The following CBFA2T2 variants were observed in gnomAD, a reference collection of about 807,000 sequenced individuals.
The protein encoded by CBFA2T2 is CBFA2/RUNX1 partner transcriptional co-repressor 2.
CBFA2T2 carries 11 observed loss-of-function variants against 62.2 expected under a neutral mutation model. The observed-to-expected ratio is 0.18, with a 90% CI of 0.11 to 0.29. CBFA2T2 has a LOEUF of 0.29. Among genes scored for constraint, CBFA2T2 ranks in the 10% least tolerant of loss-of-function variants. The pLI, the probability that CBFA2T2 is intolerant of heterozygous loss-of-function variation, is 1.00. For synonymous variants in CBFA2T2, 295 were observed against 287.5 expected (o/e 1.03, Z -0.27); for missense variants, 592 against 774.1 (o/e 0.76, Z 2.79).
chr20:33,607,272 G>C (rs951126487), intron 2 of CBFA2T2, among the ~76,000 whole-genome samples, 173 bp downstream of exon 2: 1 of 152,156 alleles, frequency 6.6e-6, no homozygotes, highest in African/African-American at 2.4e-5. Context: ...TTTACCCTCT[G>C]AGAATAATAC....
chr20:33,579,291 C>T (rs1235016887), intron 1 of CBFA2T2, among the ~76,000 whole-genome samples: 1 of 151,554 alleles, frequency 6.6e-6, no homozygotes, highest in Non-Finnish European at 1.5e-5. Context: ...TGGTCTCAAA[C>T]TTCTGGGCTC....
chr20:33,638,102 GT>G (rs1434089103), intron 9 of CBFA2T2, among the ~76,000 whole-genome samples: 1 of 147,800 alleles, frequency 6.8e-6, no homozygotes, highest in East Asian at 2.0e-4. Context: ...AGCCTTCCAA[GT>G]ACCTGGGATT....
At chr20:33,554,255 C>CTTTTTTTTTTTTTTTTTTT (rs760696196) in intron 1 of CBFA2T2, among the ~76,000 whole-genome samples, 1 of 131,980 alleles carries the variant, frequency 7.6e-6, no homozygotes, top group African/African-American at 2.7e-5. Flanking sequence ...TTACTTTTTT[C>CTTTTTTTTTTTTTTTTTTT]TTTTTTTTTT....
At chr20:33,616,131 A>AGATAGATAGATAGATAGATG (rs1555845596) in intron 3 of CBFA2T2, among the ~76,000 whole-genome samples, 11 of 146,756 alleles carry the variant, frequency 7.5e-5, no homozygotes, top group African/African-American at 2.5e-4. Context: ...ATAGATAGAT[A>AGATAGATAGATAGATAGATG]GATGACAGAG....
intron 6 of CBFA2T2, among the ~76,000 whole-genome samples, chr20:33,628,005 A>G (rs1227204401): frequency 6.6e-6 from 1 of 152,190 alleles, no homozygotes; most frequent in Non-Finnish European, 1.5e-5. Context: ...AATTATTCGC[A>G]TTGCACCACA....
At chr20:33,554,600 C>CTTTTTTTTTTTTTTTTTTTT (rs752877501) in intron 1 of CBFA2T2, among the ~76,000 whole-genome samples, 3 of 56,288 alleles carry the variant, frequency 5.3e-5, no homozygotes, top group Non-Finnish European at 1.0e-4. Context: ...TTTTTCTTTT[C>CTTTTTTTTTTTTTTTTTTTT]TTTTTTTTTT....
chr20:33,578,081 A>G (rs1296483039), intron 1 of CBFA2T2, among the ~76,000 whole-genome samples: 1 of 152,196 alleles, frequency 6.6e-6, no homozygotes, highest in East Asian at 1.9e-4. Context: ...GGGCATCTGA[A>G]GAAAGGCTTT....
At chr20:33,531,767 C>G (rs1037842827) in intron 1 of CBFA2T2, among the ~76,000 whole-genome samples, 6 of 152,210 alleles carry the variant, frequency 3.9e-5, no homozygotes, top group African/African-American at 7.2e-5. Flanking sequence ...TGGAATTCCA[C>G]TGCCTGTGCA....
chr20:33,543,055 C>T (rs1815244387), intron 1 of CBFA2T2, among the ~76,000 whole-genome samples: 1 of 151,650 alleles, frequency 6.6e-6, no homozygotes. Context: ...GCCCTGTCGC[C>T]CAGGCTGGAG....
chr20:33,594,756 CTT>C (rs2014814378), intron 1 of CBFA2T2, among the ~76,000 whole-genome samples: 1 of 152,226 alleles, frequency 6.6e-6, no homozygotes, highest in Non-Finnish European at 1.5e-5. Context: ...AGTTCTCTGA[CTT>C]TGGCTGCGTA....
At chr20:33,583,996 G>A (rs1400706681) in intron 1 of CBFA2T2, among the ~76,000 whole-genome samples, 1 of 152,144 alleles carries the variant, frequency 6.6e-6, no homozygotes, top group Non-Finnish European at 1.5e-5. Flanking sequence ...TCCCTAGGCT[G>A]GAGTGCGGTG....
chr20:33,623,219 A>C lies in CBFA2T2; in HGVS notation c.615A>C (p.Thr205=). The change falls in exon 5 of 11, where the codon ACA becomes ACC. Residue 205 remains threonine (T), a synonymous_variant. Coordinates refer to ENST00000342704, the MANE Select transcript of CBFA2T2 (RefSeq NM_001032999.3). Reference sequence around the variant, plus strand: ...AGCACGAACACCTTCTGCTCAACACAAGCATTGCATCGCCTGCTGACTCGT... The same window carrying C: ...AGCACGAACACCTTCTGCTCAACACCAGCATTGCATCGCCTGCTGACTCGT... ...LAQHEHLLLN[T]SIASPADSSE... is the part of the protein sequence containing the mutation. 8 of 1,614,216 alleles carry C rather than the reference A, an allele frequency of 5.0e-6. No individual in the cohort carries two copies. The highest frequency in any genetic ancestry group is 6.8e-6 in the Non-Finnish European group (8 of 1,180,032).
chr20:33,555,484 TTC>T (rs2012871605), intron 1 of CBFA2T2, among the ~76,000 whole-genome samples: 1 of 152,112 alleles, frequency 6.6e-6, no homozygotes. Flanking sequence ...TACTTAGGAG[TTC>T]TTGCAACTTT....
At chr20:33,521,243 C>T (rs1352626934) in intron 1 of CBFA2T2, among the ~76,000 whole-genome samples, 2 of 152,002 alleles carry the variant, frequency 1.3e-5, no homozygotes, top group South Asian at 2.1e-4. Flanking sequence ...CTTATGAAGC[C>T]GTGATGGCTA....
At chr20:33,540,784 G>A (rs189618822) in intron 1 of CBFA2T2, among the ~76,000 whole-genome samples, 9 of 152,216 alleles carry the variant, frequency 5.9e-5, no homozygotes, top group Non-Finnish European at 1.2e-4. Context: ...TTAGTGCTGC[G>A]TATATAAAGT....
intron 10 of CBFA2T2, among the ~76,000 whole-genome samples, chr20:33,642,555 C>T (rs1409095887): frequency 4.6e-5 from 7 of 151,322 alleles, no homozygotes; most frequent in Admixed American, 1.3e-4. Context: ...TGACCATGAT[C>T]GTAACACTGC....
At chr20:33,496,906 T>C (rs1288209789) in intron 1 of CBFA2T2, among the ~76,000 whole-genome samples, 1 of 152,162 alleles carries the variant, frequency 6.6e-6, no homozygotes, top group Non-Finnish European at 1.5e-5. Flanking sequence ...TGAAATTTAT[T>C]TTCCTACTCC....
chr20:33,595,220 T>A (rs77787502), intron 1 of CBFA2T2, among the ~76,000 whole-genome samples: 9,569 of 151,206 alleles, frequency 0.063, 349 homozygotes, highest in African/African-American at 0.11. Context: ...CTTGAAAAAA[T>A]TTTTTTTTTG....
chr20:33,513,356 T>G (rs1158831427), intron 1 of CBFA2T2, among the ~76,000 whole-genome samples: 3 of 151,472 alleles, frequency 2.0e-5, no homozygotes, highest in African/African-American at 7.3e-5. Flanking sequence ...TTTTTTTGTT[T>G]TTTTTTTGGT....
Sources: gnomAD v4.1 joint callset for allele counts (sites outside exome capture counted in the v4.1 genomes callset) on GRCh38, gnomAD v4.1.1 for gene constraint, MANE v1.5 for transcripts, NCBI Gene and HGNC (gene_info 2026-07-23, HGNC 2026-07-21) for gene names.